MYO9A: variants seen among roughly 807,000 people sequenced by gnomAD.
The protein encoded by MYO9A is myosin IXA, also known as unconventional myosin-IXa.
A neutral mutation model predicts 293.3 loss-of-function variants in MYO9A; 103 were observed. The observed-to-expected ratio is 0.35, with a 90% confidence interval of 0.30 to 0.41. The LOEUF (loss-of-function observed/expected upper bound fraction) is 0.41. Ranked by LOEUF, MYO9A falls within the 10% of genes least tolerant of loss-of-function variation. The pLI, the probability that MYO9A is intolerant of heterozygous loss-of-function variation, is 1.00. For synonymous variants in MYO9A, 1,001 were observed against 1,035.7 expected, an observed-to-expected ratio of 0.97 and a Z score of 0.64; for missense variants, 2,685 against 3,033.0, an observed-to-expected ratio of 0.89 and a Z score of 2.69.
chr15:71,996,830 T>C (rs987025025), intron 9 of MYO9A, among the ~76,000 whole-genome samples: 1 of 152,000 alleles, frequency 6.6e-6, no homozygotes, highest in East Asian at 1.9e-4. Flanking sequence ...AAACCCAAGA[T>C]AGCCCACAAG....
chr15:71,965,406 C>G (rs1406218757), intron 13 of MYO9A, among the ~76,000 whole-genome samples: 1 of 152,066 alleles, frequency 6.6e-6, no homozygotes, highest in Non-Finnish European at 1.5e-5. Flanking sequence ...GTGCACTTAT[C>G]TAGGTCTACT....
At position 71,823,237 on chromosome 15, in the gene MYO9A, A is replaced by C. The variant is rs1277704751; in HGVS notation, c.*3343T>G. ...TTACCAAAGTGCTTGTTACAGTGAA[A>C]AACACAGCCCACAGGCACTGAGGTG... is the stretch of plus-strand genomic sequence containing the variant. On this transcript the variant is annotated 3_prime_UTR_variant, in exon 42 of 42. Coordinates refer to ENST00000356056, the MANE Select transcript of MYO9A (RefSeq NM_006901.4). The C allele has an allele frequency of 1.3e-5, 2 of 152,212 alleles. No homozygotes were observed. Among genetic ancestry groups the C allele is most frequent in the Non-Finnish European group, 2.9e-5 (2 of 68,044 alleles). 9.4% of individuals were successfully genotyped at this position (152,212 alleles called of 1,614,324 possible).
chr15:71,940,695 C>T lies in MYO9A; in HGVS notation c.2303-1768G>A, dbSNP rs550067853. Among the ~76,000 whole-genome samples, 156 of 152,078 alleles carry T rather than the reference C, an allele frequency of 1.0e-3. 1 individual carries two copies. Among genetic ancestry groups the T allele is most frequent in the African/African-American group, 3.7e-3 (153 of 41,482 alleles). On this transcript the variant is annotated intron_variant, in intron 15 of 41. Transcript: ENST00000356056. Reference sequence around the variant, plus strand: ...AGATGTCAATGTTCCCCAAACTGACCTACAGATCAATGCATTTTCTATTAA... The same window carrying T: ...AGATGTCAATGTTCCCCAAACTGACTTACAGATCAATGCATTTTCTATTAA...
chr15:72,031,137 C>T (rs546109843), intron 3 of MYO9A, among the ~76,000 whole-genome samples: 1 of 152,324 alleles, frequency 6.6e-6, no homozygotes, highest in South Asian at 2.1e-4. Flanking sequence ...AACCATTCCT[C>T]CATCCCCCAG....
intron 19 of MYO9A, among the ~76,000 whole-genome samples, chr15:71,908,460 C>T (rs143898706): frequency 8.7e-4 from 133 of 152,200 alleles, no homozygotes; most frequent in Non-Finnish European, 1.4e-3. Context: ...TGTGCCCGGC[C>T]GATAATATCC....
At chr15:71,971,583 C>G (rs539748134) in intron 12 of MYO9A, among the ~76,000 whole-genome samples, 2 of 103,186 alleles carry the variant, frequency 1.9e-5, no homozygotes, top group African/African-American at 7.6e-5. Flanking sequence ...GACACTGTCT[C>G]AAAAAAAAAG....
chr15:72,006,153 C>A (rs1282074608), intron 8 of MYO9A, among the ~76,000 whole-genome samples: 2 of 152,192 alleles, frequency 1.3e-5, no homozygotes, highest in Non-Finnish European at 2.9e-5. Flanking sequence ...TCTAAGGTCA[C>A]TGCAACCTCC....
rs917754789 is a variant in MYO9A at position 72,043,913 on chromosome 15, C to CA, written c.840+1810dup. 6.8e-5 allele frequency among the ~76,000 whole-genome samples: 10 copies of CA among 146,044 alleles called. 1 individual carries two copies. The highest frequency in any genetic ancestry group is 4.3e-4 in the Admixed American group (6 of 14,054). The stretch of plus-strand genomic sequence containing the variant: ...TTACCTTTTCCTTTCAGGTCTAAAA[C>CA]AAACACTATATTCCCTTTCCTTTTT... On this transcript the variant is annotated intron_variant, in intron 2 of 41. Coordinates refer to ENST00000356056, the MANE Select transcript of MYO9A (RefSeq NM_006901.4).
At chr15:72,001,861 A>T (rs977555850) in intron 8 of MYO9A, among the ~76,000 whole-genome samples, 1 of 152,228 alleles carries the variant, frequency 6.6e-6, no homozygotes, top group Non-Finnish European at 1.5e-5. Flanking sequence ...TTTATTTAAA[A>T]TACATTAAAG....
Position 71,824,977 on chromosome 15 carries a change from A to C in MYO9A, c.*1603T>G, listed in dbSNP as rs2054411960. On this transcript the variant is annotated 3_prime_UTR_variant, in exon 42 of 42. Transcript: ENST00000356056. ...TTTCCACAACTTCAAAGAAGTATGA[A>C]AAGGAAGAATACCCAAAATACAGGT... The C allele has an allele frequency of 6.6e-6, 1 of 152,234 alleles. No individual in the cohort carries two copies. 9.4% of individuals were successfully genotyped at this position (152,234 alleles called of 1,614,324 possible).
intron 11 of MYO9A, among the ~76,000 whole-genome samples, chr15:71,989,824 G>A (rs1384072374): frequency 2.0e-5 from 3 of 152,096 alleles, no homozygotes; most frequent in Non-Finnish European, 4.4e-5. Context: ...CTAAGAGTTT[G>A]AGACCAGTCT....
At chr15:72,025,505 C>T (rs546685949) in intron 4 of MYO9A, among the ~76,000 whole-genome samples, 2 of 152,222 alleles carry the variant, frequency 1.3e-5, no homozygotes, top group African/African-American at 2.4e-5. Context: ...GAAATACAGG[C>T]GCATGCAACC....
intron 32 of MYO9A, among the ~76,000 whole-genome samples, chr15:71,863,245 T>A (rs768827795): frequency 3.9e-5 from 6 of 152,034 alleles, no homozygotes; most frequent in Non-Finnish European, 7.4e-5. Flanking sequence ...AAATATATAT[T>A]TTTTTGTAAT....
intron 32 of MYO9A, among the ~76,000 whole-genome samples, chr15:71,863,345 C>A (rs1158789368): frequency 1.3e-5 from 2 of 151,340 alleles, no homozygotes; most frequent in Non-Finnish European, 2.9e-5. Context: ...ACTATGCTAG[C>A]AATTAAAGCT....
At chr15:71,970,215 G>T (rs1261172802) in intron 12 of MYO9A, among the ~76,000 whole-genome samples, 1 of 152,184 alleles carries the variant, frequency 6.6e-6, no homozygotes, top group African/African-American at 2.4e-5. Context: ...ACTATGGGAA[G>T]ATTGATACTA....
At chr15:71,850,425 G>A (rs1214012441) in intron 37 of MYO9A, among the ~76,000 whole-genome samples, 1 of 152,126 alleles carries the variant, frequency 6.6e-6, no homozygotes, top group Non-Finnish European at 1.5e-5. Flanking sequence ...AGGGAAATTT[G>A]TGACCTACCT....
intron 14 of MYO9A, among the ~76,000 whole-genome samples, chr15:71,954,252 G>C (rs761933441): frequency 6.6e-6 from 1 of 152,036 alleles, no homozygotes; most frequent in Non-Finnish European, 1.5e-5. Flanking sequence ...CCAGGCTGGA[G>C]TGCAGTGGTG....
At position 71,825,110 on chromosome 15, in the gene MYO9A, A is replaced by G. The variant is rs1297108589; in HGVS notation, c.*1470T>C. The G allele has an allele frequency of 1.3e-5, 2 of 152,230 alleles. No homozygotes were observed. The highest frequency in any genetic ancestry group is 4.8e-5 in the African/African-American group (2 of 41,456). The allele number at this position is 152,230 out of a possible 1,614,324, so 9.4% of individuals were successfully genotyped here. A position where few individuals can be genotyped will look rare whatever the true frequency, so the allele number is the denominator to read the frequency against. The stretch of plus-strand genomic sequence containing the variant: ...TCACATACTTATCTCAAGAAAGGCT[A>G]TCATGTTTCATTTTTTATATATTAT... On this transcript the variant is annotated 3_prime_UTR_variant, in exon 42 of 42. Transcript: ENST00000356056.
chr15:71,967,267 A>G (rs59572935), intron 13 of MYO9A, among the ~76,000 whole-genome samples: 3,462 of 152,302 alleles, frequency 0.023, 126 homozygotes, highest in African/African-American at 0.081. Context: ...ACATATGTAT[A>G]GAGAATCAGG....
Sources: gnomAD v4.1 joint callset for allele counts (sites outside exome capture counted in the v4.1 genomes callset) on GRCh38, gnomAD v4.1.1 for gene constraint, MANE v1.5 for transcripts, NCBI Gene and HGNC (gene_info 2026-07-23, HGNC 2026-07-21) for gene names.